FAF1: variants seen among roughly 807,000 people sequenced by gnomAD.
FAF1 encodes the protein Fas associated factor 1, also known as FAS-associated factor 1.
A neutral mutation model predicts 92.5 loss-of-function variants in FAF1; 25 were observed. The ratio of observed to expected loss-of-function variants is 0.27; its 90% confidence interval spans 0.20 to 0.38. The LOEUF is 0.38. FAF1 is among the 10% of genes least tolerant of loss of function. The pLI is 1.00. For synonymous variants in FAF1, 234 were observed against 273.2 expected (o/e 0.86, Z 1.42); for missense variants, 636 against 793.3 (o/e 0.80, Z 2.38).
intron 13 of FAF1, among the ~76,000 whole-genome samples, chr1:50,549,469 C>G (rs1024711273): frequency 6.6e-6 from 1 of 151,710 alleles, no homozygotes; most frequent in Admixed American, 6.6e-5. Flanking sequence ...CCACCATGCC[C>G]AGCTAAGTTT....
intron 1 of FAF1, among the ~76,000 whole-genome samples, chr1:50,864,826 C>T (rs1644466668): frequency 6.6e-6 from 1 of 151,988 alleles, no homozygotes; most frequent in Non-Finnish European, 1.5e-5. Context: ...CAACAAAAGC[C>T]AAAATTGACA....
chr1:50,609,340 C>G (rs1034990487), intron 8 of FAF1, among the ~76,000 whole-genome samples: 11 of 152,108 alleles, frequency 7.2e-5, no homozygotes, highest in Non-Finnish European at 1.6e-4. Context: ...CACCCAGGGT[C>G]GATCACAGAC....
At chr1:50,745,040 C>T (rs1659534716) in intron 4 of FAF1, among the ~76,000 whole-genome samples, 1 of 152,132 alleles carries the variant, frequency 6.6e-6, no homozygotes, top group African/African-American at 2.4e-5. Context: ...GTAATCCCAG[C>T]ACTTTGAGAG....
chr1:50,502,525 T>C (rs1484558831), intron 15 of FAF1, among the ~76,000 whole-genome samples: 1 of 152,166 alleles, frequency 6.6e-6, no homozygotes, highest in Admixed American at 6.5e-5. Flanking sequence ...AAGTACAGTA[T>C]TGGTTTCATT....
chr1:50,837,771 T>A (rs1445172701), intron 2 of FAF1, among the ~76,000 whole-genome samples: 14 of 148,172 alleles, frequency 9.4e-5, no homozygotes, highest in Non-Finnish European at 2.1e-4. Context: ...TGAGACAGAG[T>A]CTCACTCTGT....
chr1:50,573,673 C>T (rs1356341002), intron 12 of FAF1, among the ~76,000 whole-genome samples: 2 of 151,390 alleles, frequency 1.3e-5, no homozygotes, highest in Non-Finnish European at 2.9e-5. Context: ...AAGTCAGCTA[C>T]TGAAGATGAG....
At chr1:50,647,312 G>A (rs767633278) in intron 8 of FAF1, among the ~76,000 whole-genome samples, 2 of 152,196 alleles carry the variant, frequency 1.3e-5, no homozygotes, top group Non-Finnish European at 2.9e-5. Context: ...ACTGCTAAAT[G>A]TTCAAACTGT....
Position 50,660,873 on chromosome 1 carries a change from C to T in FAF1, c.658-5345G>A, listed in dbSNP as rs751794062. ...AGCCATTCTGAGACCTCATGTACTC[C>T]ACCTTAGAAGAGAATAAAACATGAT... On this transcript the variant is annotated intron_variant, in intron 7 of 18. Coordinates refer to ENST00000396153, the MANE Select transcript of FAF1 (RefSeq NM_007051.3). Among the ~76,000 whole-genome samples, 33 of 152,052 alleles carry T rather than the reference C, an allele frequency of 2.2e-4. 1 individual carries two copies. The highest frequency in any genetic ancestry group is 1.3e-4 in the Non-Finnish European group (9 of 68,020).
chr1:50,711,759 C>G (rs1195226300), intron 6 of FAF1, among the ~76,000 whole-genome samples: 1 of 152,162 alleles, frequency 6.6e-6, no homozygotes, highest in Admixed American at 6.5e-5. Context: ...GCCACCACAC[C>G]CGGCCTGTTC....
At chr1:50,847,419 TAA>T (rs57172783) in intron 2 of FAF1, among the ~76,000 whole-genome samples, 1,948 of 119,570 alleles carry the variant, frequency 0.016, 20 homozygotes, top group Middle Eastern at 0.027. Context: ...TGCCTGAAAT[TAA>T]AAAAAAAAAA....
At chr1:50,745,567 T>C (rs1434033331) in intron 4 of FAF1, among the ~76,000 whole-genome samples, 1 of 152,096 alleles carries the variant, frequency 6.6e-6, no homozygotes, top group Non-Finnish European at 1.5e-5. Context: ...TCAGGAGATC[T>C]GGTTGTTTAA....
chr1:50,879,975 C>T (rs904276366), intron 1 of FAF1, among the ~76,000 whole-genome samples: 3 of 152,178 alleles, frequency 2.0e-5, no homozygotes, highest in African/African-American at 7.2e-5. Context: ...ACAACAACAA[C>T]AAAAAGCATA....
intron 4 of FAF1, among the ~76,000 whole-genome samples, chr1:50,765,222 A>G (rs1660516934): frequency 6.6e-6 from 1 of 152,258 alleles, no homozygotes; most frequent in African/African-American, 2.4e-5. Context: ...AAGGTCATTC[A>G]GTTTAGTTGG....
At chr1:50,760,856 A>G (rs1157074471) in intron 4 of FAF1, among the ~76,000 whole-genome samples, 1 of 152,196 alleles carries the variant, frequency 6.6e-6, no homozygotes, top group East Asian at 1.9e-4. Flanking sequence ...ACTGAAGGAA[A>G]TAGAGACACA....
At chr1:50,774,653 T>C (rs1208799377) in intron 4 of FAF1, among the ~76,000 whole-genome samples, 1 of 152,136 alleles carries the variant, frequency 6.6e-6, no homozygotes, top group African/African-American at 2.4e-5. Context: ...AAGCTATGCC[T>C]ACTAGGCTCC....
intron 6 of FAF1, among the ~76,000 whole-genome samples, chr1:50,724,345 T>A (rs1658558539): frequency 6.8e-6 from 1 of 146,126 alleles, no homozygotes; most frequent in Non-Finnish European, 1.5e-5. Flanking sequence ...GCTCAGTGGA[T>A]GCATGCACCT....
intron 3 of FAF1, among the ~76,000 whole-genome samples, chr1:50,797,029 A>G (rs1333360163): frequency 6.6e-6 from 1 of 152,142 alleles, no homozygotes; most frequent in Non-Finnish European, 1.5e-5. Flanking sequence ...CCAGCTACTC[A>G]GGAGGCTGAT....
At chr1:50,711,382 T>G (rs973920874) in intron 6 of FAF1, among the ~76,000 whole-genome samples, 2 of 152,030 alleles carry the variant, frequency 1.3e-5, no homozygotes, top group Non-Finnish European at 2.9e-5. Flanking sequence ...TTCTATCCCC[T>G]GGCAGGAGTT....
chr1:50,691,956 T>A (rs375737496), intron 7 of FAF1, among the ~76,000 whole-genome samples: 1 of 152,316 alleles, frequency 6.6e-6, no homozygotes, highest in South Asian at 2.1e-4. Flanking sequence ...GTGTGGTGGC[T>A]GACACCTGTA....
Sources: allele counts gnomAD v4.1 joint callset (sites outside exome capture counted in the v4.1 genomes callset), GRCh38; gene constraint gnomAD v4.1.1; transcripts MANE v1.5; gene names NCBI Gene and HGNC (gene_info 2026-07-23, HGNC 2026-07-21).